The following WNT7B variants were observed in gnomAD, a reference collection of about 807,000 sequenced individuals.
The protein encoded by WNT7B is Wnt family member 7B, also known as protein Wnt-7b.
WNT7B carries 19 observed loss-of-function variants against 38.2 expected under a neutral mutation model. That is an observed-to-expected ratio of 0.50 (90% CI 0.35 to 0.73). The LOEUF is 0.73. Ranked by LOEUF, WNT7B falls within the 30% of genes least tolerant of loss-of-function variation. WNT7B has a pLI of 0.01. For missense variants in WNT7B, 423 were observed against 507.9 expected, an observed-to-expected ratio of 0.83 and a Z score of 1.61; for synonymous variants, 243 against 209.3, an observed-to-expected ratio of 1.16 and a Z score of -1.39.
At chr22:45,972,995 C>T (rs367667898) in intron 1 of WNT7B, among the ~76,000 whole-genome samples, 48 of 152,376 alleles carry the variant, frequency 3.2e-4, no homozygotes, top group African/African-American at 1.1e-3. Flanking sequence ...CTGTGGGTCG[C>T]ACACAGGCAC....
At position 45,931,135 on chromosome 22, in the gene WNT7B, C is replaced by T. The variant is rs144832567; in HGVS notation, c.533G>A (p.Arg178His). Residue 178 changes from arginine (R) to histidine (H), a missense_variant, in exon 3 of 4, where the codon CGC (arginine) becomes CAC (histidine). Coordinates refer to ENST00000339464, the MANE Select transcript of WNT7B (RefSeq NM_058238.3). The part of the protein sequence containing the change: ...DAREIKKNAR[R>H]LMNLHNNEAG... ...CTCATTGTTATGCAGGTTCATGAGG[C>T]GCCGCGCGTTCTTCTTGATCTCCCG... The T allele has an allele frequency of 1.3e-6, 2 of 1,592,610 alleles. No individual in the cohort carries two copies. Among genetic ancestry groups the T allele is most frequent in the Middle Eastern group, 1.8e-4 (1 of 5,692 alleles).
In WNT7B at chr22:45,923,009, G is replaced by A. The variant is rs140698598; in HGVS notation, c.897C>T (p.Pro299=). The A allele has an allele frequency of 3.6e-4, 584 of 1,612,972 alleles. No individual in the cohort carries two copies. Among genetic ancestry groups the A allele is most frequent in the Non-Finnish European group, 4.5e-4 (532 of 1,179,674 alleles). The change falls in exon 4 of 4, where the codon CCC becomes CCT. Residue 299 remains proline, a synonymous_variant. Coordinates refer to ENST00000339464, the MANE Select transcript of WNT7B (RefSeq NM_058238.3). ...TQGRLCNRTS[P]GADGCDTMCC... is the part of the protein sequence containing the mutation. ...ACATGGTGTCACAGCCGTCCGCGCC[G>A]GGCGACGTGCGGTTGCAGAGACGGC...
rs1001982305 is a variant in WNT7B at position 45,945,176 on chromosome 22, C to T, written c.298+4744G>A. On this transcript the variant is annotated intron_variant, in intron 2 of 3. Coordinates refer to ENST00000339464, the MANE Select transcript of WNT7B (RefSeq NM_058238.3). Reference sequence around the variant, plus strand: ...TTGGCTCACTGCAACCTCCACCACCCGGGTTCAAGTGATTCTCCTGCCTCA... The same window carrying T: ...TTGGCTCACTGCAACCTCCACCACCTGGGTTCAAGTGATTCTCCTGCCTCA... 7.2e-5 allele frequency among the ~76,000 whole-genome samples: 11 copies of T among 152,246 alleles called. No homozygotes were observed. The East Asian group carries it at 9.7e-4, about 13-fold the overall frequency.
At chr22:45,931,965 C>T (rs1445109847) in intron 2 of WNT7B, among the ~76,000 whole-genome samples, 1 of 152,192 alleles carries the variant, frequency 6.6e-6, no homozygotes. Flanking sequence ...CCATCTCCCT[C>T]TTGGTCCACC....
rs1932310243 is a variant in WNT7B, at chr22:45,966,326, G to A, written c.71+10358C>T. Among the ~76,000 whole-genome samples, 1 of 152,208 alleles carries A rather than the reference G, an allele frequency of 6.6e-6. No homozygotes were observed. Among genetic ancestry groups the A allele is most frequent in the Non-Finnish European group, 1.5e-5 (1 of 68,042 alleles). The stretch of plus-strand genomic sequence containing the variant: ...TGCGCGGGCCTAAGTCTCAGCTCTG[G>A]ATGCCTCCTCACCCTGGCCACGCCA... On this transcript the variant is annotated intron_variant, in intron 1 of 3. Coordinates refer to ENST00000339464, the MANE Select transcript of WNT7B (RefSeq NM_058238.3). This position sits in a 1 kb window ranked among gnomAD's most constrained non-coding sequence, Gnocchi z 4.2.
chr22:45,969,775 A>G (rs1227873801), intron 1 of WNT7B, among the ~76,000 whole-genome samples: 1 of 152,190 alleles, frequency 6.6e-6, no homozygotes, highest in East Asian at 1.9e-4. Context: ...AGCGTCTGGG[A>G]TCCCAGCAAT....
rs916993979 is a variant in WNT7B, at chr22:45,927,629, C to T, written c.570+3469G>A. On this transcript the variant is annotated intron_variant, in intron 3 of 3. Transcript: ENST00000339464. ...GATGGAACAGGGCCAGGTGCAGTGG[C>T]TCACACCTGTAATCCAAGCACTTTG... is the stretch of plus-strand genomic sequence containing the variant. 21 of 811,834 alleles carry T rather than the reference C, an allele frequency of 2.6e-5. No homozygotes were observed. The Admixed American group carries it at 4.2e-4, about 16-fold the overall frequency. 50.3% of individuals were successfully genotyped at this position (811,834 alleles called of 1,614,324 possible).
intron 2 of WNT7B, among the ~76,000 whole-genome samples, chr22:45,944,936 C>T (rs139361553): frequency 3.3e-5 from 5 of 152,310 alleles, no homozygotes; most frequent in East Asian, 1.9e-4. Context: ...TCAATTGTCC[C>T]GTCTGCCCCT....
intron 1 of WNT7B, among the ~76,000 whole-genome samples, chr22:45,960,262 G>A (rs28414409): frequency 2.1e-3 from 322 of 152,062 alleles, no homozygotes; most frequent in African/African-American, 7.5e-3. Flanking sequence ...GCCCGCCCCC[G>A]ACCTGCTGAG....
chr22:45,942,669 A>C (rs565823872), intron 2 of WNT7B, among the ~76,000 whole-genome samples: 3 of 152,124 alleles, frequency 2.0e-5, no homozygotes, highest in Non-Finnish European at 2.9e-5. Context: ...GGCTTACACG[A>C]AGGTGATAGC....
At chr22:45,925,812 C>T in intron 3 of WNT7B, 1 of 985,422 alleles carries the variant, frequency 1.0e-6, no homozygotes, top group Non-Finnish European at 1.2e-6. Context: ...CCCCGGGCTG[C>T]TCACCCTCCT....
At chr22:45,950,736 G>A (rs1931912917) in intron 1 of WNT7B, among the ~76,000 whole-genome samples, 1 of 152,228 alleles carries the variant, frequency 6.6e-6, no homozygotes, top group African/African-American at 2.4e-5. Flanking sequence ...CATGAAATGG[G>A]GGTATAAAAC....
chr22:45,949,835 G>A (rs1034921323), intron 2 of WNT7B, 85 bp downstream of exon 2: 55 of 1,342,414 alleles, frequency 4.1e-5, no homozygotes, highest in Non-Finnish European at 4.1e-5. Flanking sequence ...GCAGAACAGC[G>A]GCCTAGGCTG....
intron 1 of WNT7B, among the ~76,000 whole-genome samples, chr22:45,956,132 G>A (rs2146738985): frequency 6.6e-6 from 1 of 152,308 alleles, no homozygotes; most frequent in East Asian, 1.9e-4. Flanking sequence ...GGTTAGCCAG[G>A]TACCAGGCCA....
chr22:45,931,524 C>T (rs554084770), intron 2 of WNT7B, among the ~76,000 whole-genome samples, 155 bp from the exon 3 acceptor site: 3 of 152,278 alleles, frequency 2.0e-5, no homozygotes, highest in Admixed American at 6.5e-5. Context: ...CTCACCAAAG[C>T]GGGGCTGATG....
At chr22:45,945,054 A>G (rs943516562) in intron 2 of WNT7B, among the ~76,000 whole-genome samples, 1 of 152,290 alleles carries the variant, frequency 6.6e-6, no homozygotes, top group East Asian at 1.9e-4. Flanking sequence ...TAGTAGCCAC[A>G]TTAAGAAAAG....
chr22:45,929,956 T>TCATACATCTACCCACC (rs1931280540), intron 3 of WNT7B, among the ~76,000 whole-genome samples: 1 of 149,966 alleles, frequency 6.7e-6, no homozygotes, highest in African/African-American at 2.5e-5. Context: ...ATCCATCCAC[T>TCATACATCTACCCACC]CATACATCTA....
rs116545106 is a variant in WNT7B at position 45,951,075 on chromosome 22, G to A, written c.72-929C>T. On this transcript the variant is annotated intron_variant, in intron 1 of 3. Transcript: ENST00000339464. The surrounding 1 kb of genome is among the most constrained non-coding windows in gnomAD (Gnocchi z 4.8). ...CAGCGGGATTGTCATTTGTTCATTT[G>A]TTTGTTTGTTTTGAGACAGAGTTTC... 8.7e-3 allele frequency among the ~76,000 whole-genome samples: 1,321 copies of A among 152,298 alleles called. 21 individuals are homozygous for A. Among genetic ancestry groups the A allele is most frequent in the African/African-American group, 0.031 (1,270 of 41,566 alleles).
Position 45,923,013 on chromosome 22 carries a change from G to T in WNT7B, c.893C>A (p.Ser298Ter). Residue 298 changes from serine to a stop codon, truncating the protein, a stop_gained, in exon 4 of 4, where the codon TCG (serine) becomes TAG (stop). Transcript: ENST00000339464. LOFTEE classifies it high-confidence loss of function. ...GTQGRLCNRT[S>*]PGADGCDTMC... ...GGTGTCACAGCCGTCCGCGCCGGGC[G>T]ACGTGCGGTTGCAGAGACGGCCCTG... 6.2e-7 allele frequency: 1 copy of T among 1,612,958 alleles called. No homozygotes were observed. Among genetic ancestry groups the T allele is most frequent in the Non-Finnish European group, 8.5e-7 (1 of 1,179,666 alleles).
Sources: gnomAD v4.1 joint callset for allele counts (sites outside exome capture counted in the v4.1 genomes callset) on GRCh38, gnomAD v4.1.1 for gene constraint, Gnocchi (gnomAD v3.1) non-coding constraint, MANE v1.5 for transcripts, NCBI Gene and HGNC (gene_info 2026-07-23, HGNC 2026-07-21) for gene names.